FIBCD1: variants seen among roughly 807,000 people sequenced by gnomAD.
FIBCD1 encodes the protein fibrinogen C domain containing 1.
A neutral mutation model predicts 45.1 loss-of-function variants in FIBCD1; 47 were observed. The observed-to-expected ratio is 1.04, with a 90% CI of 0.82 to 1.33. The LOEUF is 1.33. Among genes scored for constraint, FIBCD1 ranks in the 40% most tolerant of loss-of-function variants. The pLI is 0.00. For synonymous variants in FIBCD1, 313 were observed against 308.1 expected (o/e 1.02, Z -0.17); for missense variants, 653 against 682.2 (o/e 0.96, Z 0.48).
chr9:130,913,798 G>A (rs928477434), intron 4 of FIBCD1, among the ~76,000 whole-genome samples: 8 of 152,196 alleles, frequency 5.3e-5, no homozygotes, highest in Non-Finnish European at 1.0e-4. Context: ...GTTTCCGCAG[G>A]AGGAGGGGAG....
upstream of FIBCD1, among the ~76,000 whole-genome samples, chr9:130,940,256 G>A (rs533713417): frequency 3.9e-5 from 6 of 152,366 alleles, no homozygotes; most frequent in East Asian, 1.2e-3. Flanking sequence ...GTGGCCCGGT[G>A]CCATCCGAGG....
chr9:130,924,692 T>C (rs1459809834), intron 2 of FIBCD1, among the ~76,000 whole-genome samples: 4 of 152,306 alleles, frequency 2.6e-5, no homozygotes, highest in Admixed American at 2.6e-4. Flanking sequence ...GGCTGCGTTC[T>C]TCGGCCATCT....
At chr9:130,912,178 C>T (rs570747949) in intron 4 of FIBCD1, among the ~76,000 whole-genome samples, 28 of 151,014 alleles carry the variant, frequency 1.9e-4, no homozygotes, top group Admixed American at 1.4e-3. Context: ...GGCTCATGCC[C>T]GGAATCCCAG....
chr9:130,933,273 G>T (rs937465900), intron 1 of FIBCD1, among the ~76,000 whole-genome samples: 1 of 152,228 alleles, frequency 6.6e-6, no homozygotes, highest in African/African-American at 2.4e-5. Context: ...AGATAACAAG[G>T]GGGGCTCTGG....
At chr9:130,918,029 C>T (rs1484419603) in intron 4 of FIBCD1, among the ~76,000 whole-genome samples, 2 of 152,192 alleles carry the variant, frequency 1.3e-5, no homozygotes, top group African/African-American at 4.8e-5. Context: ...GACCTTGGCC[C>T]TCAAAGCTCA....
chr9:130,920,492 G>A (rs1832243837), intron 4 of FIBCD1, among the ~76,000 whole-genome samples: 1 of 152,170 alleles, frequency 6.6e-6, no homozygotes, highest in African/African-American at 2.4e-5. Flanking sequence ...CACAGCCAAA[G>A]GGTGCCAACA....
rs1290298012 is a variant in FIBCD1, at chr9:130,903,664, G to C, written c.*400C>G. Reference sequence around the variant, plus strand: ...CACGATCTGCTAGGAGGACTCCAGGGGTGCTGTCTGCCCCCTGCTCTCTGT... The same window carrying C: ...CACGATCTGCTAGGAGGACTCCAGGCGTGCTGTCTGCCCCCTGCTCTCTGT... On this transcript the variant is annotated 3_prime_UTR_variant, in exon 7 of 7. Coordinates refer to ENST00000372338, the MANE Select transcript of FIBCD1 (RefSeq NM_032843.5). The C allele has an allele frequency of 2.8e-6, 1 of 351,258 alleles. No individual in the cohort carries two copies. Among genetic ancestry groups the C allele is most frequent in the Non-Finnish European group, 5.5e-6 (1 of 181,288 alleles). 21.8% of individuals were successfully genotyped at this position (351,258 alleles called of 1,614,324 possible).
upstream of FIBCD1, among the ~76,000 whole-genome samples, chr9:130,940,535 G>C (rs531563439): frequency 6.6e-6 from 1 of 152,244 alleles, no homozygotes; most frequent in Non-Finnish European, 1.5e-5. Flanking sequence ...CTCAGACTTG[G>C]GAAGAAGGAT....
In FIBCD1 at chr9:130,904,032, G is replaced by C; in HGVS notation, c.*32C>G. 6.2e-7 allele frequency: 1 copy of C among 1,607,892 alleles called. No homozygotes were observed. The highest frequency in any genetic ancestry group is 8.5e-7 in the Non-Finnish European group (1 of 1,177,870). ...GTGGGGTCGGGGATGGGGCGACAGG[G>C]ACCAGCAGGGCCAAGGACAAGGTGC... On this transcript the variant is annotated 3_prime_UTR_variant, in exon 7 of 7. Transcript: ENST00000372338.
chr9:130,934,578 C>T lies in FIBCD1; in HGVS notation c.72+3958G>A, dbSNP rs182273602. Among the ~76,000 whole-genome samples, 546 of 152,274 alleles carry T rather than the reference C, an allele frequency of 3.6e-3. 4 individuals are homozygous for T. The highest frequency in any genetic ancestry group is 3.7e-3 in the Non-Finnish European group (249 of 67,994). ...TCCTGGGAGCATTTGCTCTGAACCA[C>T]GGAGGGGGCTTCTCCAGATGTTTCC... is the stretch of plus-strand genomic sequence containing the variant. On this transcript the variant is annotated intron_variant, in intron 1 of 6. Coordinates refer to ENST00000372338, the MANE Select transcript of FIBCD1 (RefSeq NM_032843.5).
Position 130,922,937 on chromosome 9 carries a change from A to G in FIBCD1, c.849+807T>C, listed in dbSNP as rs927366373. Among the ~76,000 whole-genome samples, 6 of 152,014 alleles carry G rather than the reference A, an allele frequency of 3.9e-5. No individual in the cohort carries two copies. Among genetic ancestry groups the G allele is most frequent in the Non-Finnish European group, 7.4e-5 (5 of 67,990 alleles). ...GCTCATGAGAAATGCCCCCTTCTCCAGGAAGCTTTACCCTCCCCTCTGCTA... is the reference window on the plus strand; with the variant it reads ...GCTCATGAGAAATGCCCCCTTCTCCGGGAAGCTTTACCCTCCCCTCTGCTA... On this transcript the variant is annotated intron_variant, in intron 4 of 6. Transcript: ENST00000372338. This position sits in a 1 kb window ranked among gnomAD's most constrained non-coding sequence, Gnocchi z 4.5.
At chr9:130,910,004 G>T (rs893962750) in intron 5 of FIBCD1, among the ~76,000 whole-genome samples, 1 of 152,240 alleles carries the variant, frequency 6.6e-6, no homozygotes, top group Admixed American at 6.5e-5. Context: ...CCTCTGCGTG[G>T]GCTCCCACTT....
intron 5 of FIBCD1, among the ~76,000 whole-genome samples, chr9:130,906,077 C>T (rs948972093): frequency 7.9e-5 from 12 of 152,140 alleles, no homozygotes; most frequent in South Asian, 2.1e-4. Context: ...GCTTACCCAG[C>T]GCTGGCTTAG....
rs150899216 is a variant in FIBCD1 at position 130,937,156 on chromosome 9, G to A, written c.72+1380C>T. Among the ~76,000 whole-genome samples, 1,351 of 152,258 alleles carry A rather than the reference G, an allele frequency of 8.9e-3. 9 individuals are homozygous for A. Among genetic ancestry groups the A allele is most frequent in the Admixed American group, 0.015 (234 of 15,306 alleles). ...GGTTAGGGATGGCCTTGGAGGACAGGTCTAGAAGTTAAGACAGTTCTTGCT... is the reference window on the plus strand; with the variant it reads ...GGTTAGGGATGGCCTTGGAGGACAGATCTAGAAGTTAAGACAGTTCTTGCT... On this transcript the variant is annotated intron_variant, in intron 1 of 6. Coordinates refer to ENST00000372338, the MANE Select transcript of FIBCD1 (RefSeq NM_032843.5).
In FIBCD1 at chr9:130,904,060, C is replaced by T. The variant is rs1420055930; in HGVS notation, c.*4G>A. On this transcript the variant is annotated 3_prime_UTR_variant, in exon 7 of 7. Transcript: ENST00000372338. Reference sequence around the variant, plus strand: ...CAGCAGGGCCAAGGACAAGGTGCACCAGTCTAGCGGTCCTCCCGGACCGGC... The same window carrying T: ...CAGCAGGGCCAAGGACAAGGTGCACTAGTCTAGCGGTCCTCCCGGACCGGC... 2.5e-6 allele frequency: 4 copies of T among 1,611,534 alleles called. No individual in the cohort carries two copies. Among genetic ancestry groups the T allele is most frequent in the Non-Finnish European group, 3.4e-6 (4 of 1,179,512 alleles).
chr9:130,929,502 C>A, intron 2 of FIBCD1, 65 bp downstream of exon 2: 1 of 1,473,380 alleles, frequency 6.8e-7, no homozygotes, highest in African/African-American at 1.4e-5. Context: ...GCGCCTGGCA[C>A]ATGGCAGCAG....
rs554431330 is a variant in FIBCD1 at position 130,911,446 on chromosome 9, C to G, written c.946+346G>C. On this transcript the variant is annotated intron_variant, in intron 5 of 6. Transcript: ENST00000372338. The stretch of plus-strand genomic sequence containing the variant: ...TGGGGCCGGGTCCTCCTCTGTCCTC[C>G]TGCTGCCTGGGATGCTGCTGACCAC... 2.0e-5 allele frequency among the ~76,000 whole-genome samples: 3 copies of G among 152,304 alleles called. No individual in the cohort carries two copies. The East Asian group carries it at 5.8e-4, about 29-fold the overall frequency.
chr9:130,924,501 G>T, intron 2 of FIBCD1, 105 bp from the exon 3 acceptor site: 1 of 1,163,450 alleles, frequency 8.6e-7, no homozygotes, highest in Non-Finnish European at 1.2e-6. Flanking sequence ...TGAGGCAGAG[G>T]TGGGCTTCTG....
At chr9:130,921,787 G>C (rs74834248) in intron 4 of FIBCD1, among the ~76,000 whole-genome samples, 1 of 152,228 alleles carries the variant, frequency 6.6e-6, no homozygotes, top group African/African-American at 2.4e-5. Flanking sequence ...TAACTCAGAC[G>C]TTCTTGGCGT....
Sources: allele counts gnomAD v4.1 joint callset (sites outside exome capture counted in the v4.1 genomes callset), GRCh38; gene constraint gnomAD v4.1.1; non-coding constraint Gnocchi (gnomAD v3.1); transcripts MANE v1.5; gene names NCBI Gene and HGNC (gene_info 2026-07-23, HGNC 2026-07-21).